The following TRIM2 variants were observed in gnomAD, a reference collection of about 807,000 sequenced individuals.
TRIM2 encodes tripartite motif-containing protein 2.
TRIM2 carries 20 observed loss-of-function variants against 75.2 expected under a neutral mutation model. That is an observed-to-expected ratio of 0.27 (90% CI 0.19 to 0.39). TRIM2 has a LOEUF of 0.39. TRIM2 is among the 10% of genes least tolerant of loss of function. TRIM2 has a pLI of 1.00. For missense variants in TRIM2, 660 were observed against 990.8 expected (o/e 0.67, Z 4.48); for synonymous variants, 373 against 388.3 (o/e 0.96, Z 0.46).
chr4:153,273,208 C>A (rs1379844499), intron 2 of TRIM2, among the ~76,000 whole-genome samples: 2 of 151,290 alleles, frequency 1.3e-5, no homozygotes, highest in Non-Finnish European at 2.9e-5. Context: ...GCTCTAGGAC[C>A]CCCATGTTCA....
intron 1 of TRIM2, 150 bp from the exon 2 acceptor site, chr4:153,270,185 C>T: frequency 1.2e-6 from 1 of 822,206 alleles, no homozygotes; most frequent in Non-Finnish European, 1.8e-6. Context: ...ACCTCGGCCT[C>T]CCAAAGTGCT....
Position 153,335,034 on chromosome 4 carries a change from G to T in TRIM2, c.*68G>T. ...AACTGGAATGGATTTCTCAATGCGG[G>T]ACCAGATTATGACTAGAGTTTTTAT... On this transcript the variant is annotated 3_prime_UTR_variant, in exon 12 of 12. Transcript: ENST00000338700. 1 of 1,434,454 alleles carries T rather than the reference G, an allele frequency of 7.0e-7. No homozygotes were observed. The highest frequency in any genetic ancestry group is 1.7e-5 in the South Asian group (1 of 60,292). The allele number at this position is 1,434,454 out of a possible 1,614,324, so 88.9% of individuals were successfully genotyped here. A position where few individuals can be genotyped will look rare whatever the true frequency, so the allele number is the denominator to read the frequency against.
Position 153,336,826 on chromosome 4 carries a change from T to C in TRIM2, c.*1860T>C. 1.0e-6 allele frequency: 1 copy of C among 985,532 alleles called. No homozygotes were observed. Among genetic ancestry groups the C allele is most frequent in the Non-Finnish European group, 1.2e-6 (1 of 829,618 alleles). The allele number at this position is 985,532 out of a possible 1,614,324, so 61.0% of individuals were successfully genotyped here. On this transcript the variant is annotated 3_prime_UTR_variant, in exon 12 of 12. Transcript: ENST00000338700. Reference sequence around the variant, plus strand: ...TTTTCCAGGAAGATTTACATTTAGGTTTAATATTTTTTTAGTTAGGTAGAG... The same window carrying C: ...TTTTCCAGGAAGATTTACATTTAGGCTTAATATTTTTTTAGTTAGGTAGAG...
upstream of TRIM2, among the ~76,000 whole-genome samples, chr4:153,202,757 G>A (rs371095995): frequency 2.3e-3 from 349 of 151,282 alleles, 1 homozygote; most frequent in African/African-American, 8.2e-3. Context: ...TTACTTTCTG[G>A]TTCTTGGTTA....
At position 153,337,331 on chromosome 4, in the gene TRIM2, C is replaced by G; in HGVS notation, c.*2365C>G. The G allele has an allele frequency of 1.0e-6, 1 of 985,766 alleles. No individual in the cohort carries two copies. The highest frequency in any genetic ancestry group is 1.2e-6 in the Non-Finnish European group (1 of 829,916). 61.1% of individuals were successfully genotyped at this position (985,766 alleles called of 1,614,324 possible). On this transcript the variant is annotated 3_prime_UTR_variant, in exon 12 of 12. Coordinates refer to ENST00000338700, the MANE Select transcript of TRIM2 (RefSeq NM_015271.5). ...CTTAGAAATTAACTTACAATCTAAC[C>G]AGCCATCATATCATATCCTATCAGG...
At chr4:153,274,286 G>T (rs1446383159) in intron 2 of TRIM2, among the ~76,000 whole-genome samples, 1 of 152,224 alleles carries the variant, frequency 6.6e-6, no homozygotes, top group Non-Finnish European at 1.5e-5. Context: ...GGAGAGGTTA[G>T]AAAGATATGT....
intron 1 of TRIM2, among the ~76,000 whole-genome samples, chr4:153,222,049 G>GGAGGGAGGAAGGAAGGAGAGAGGGAGC (rs1560836448): frequency 2.0e-5 from 3 of 147,954 alleles, no homozygotes; most frequent in Non-Finnish European, 3.0e-5. Flanking sequence ...AGCGAGGAAG[G>GGAGGGAGGAAGGAAGGAGAGAGGGAGC]GAGGGAGGAA....
chr4:153,232,131 A>T (rs754973351), intron 1 of TRIM2, among the ~76,000 whole-genome samples: 3 of 152,222 alleles, frequency 2.0e-5, no homozygotes, highest in Non-Finnish European at 4.4e-5. Context: ...GTATTTCCAA[A>T]TACAGTCACA....
intron 1 of TRIM2, among the ~76,000 whole-genome samples, chr4:153,190,031 C>T (rs1560797479): frequency 6.6e-6 from 1 of 152,164 alleles, no homozygotes; most frequent in Non-Finnish European, 1.5e-5. Context: ...ATGTTTATAA[C>T]AGATGGGCAT....
At chr4:153,317,825 T>C (rs1335963668) in intron 8 of TRIM2, among the ~76,000 whole-genome samples, 1 of 151,936 alleles carries the variant, frequency 6.6e-6, no homozygotes, top group Non-Finnish European at 1.5e-5. Context: ...CCAGGTGTGG[T>C]TGCACAGGCC....
At chr4:153,300,587 G>C (rs900451500) in intron 6 of TRIM2, among the ~76,000 whole-genome samples, 1 of 152,070 alleles carries the variant, frequency 6.6e-6, no homozygotes, top group African/African-American at 2.4e-5. Context: ...CTGTCGCCAG[G>C]CTGGTGTGCA....
intron 6 of TRIM2, among the ~76,000 whole-genome samples, chr4:153,305,827 C>T (rs1395705142): frequency 1.3e-5 from 2 of 152,208 alleles, no homozygotes; most frequent in African/African-American, 4.8e-5. Flanking sequence ...CAGTAACTTT[C>T]TGGGGGGACC....
At chr4:153,162,987 TG>T (rs1729895048) in intron 1 of TRIM2, among the ~76,000 whole-genome samples, 1 of 152,208 alleles carries the variant, frequency 6.6e-6, no homozygotes, top group African/African-American at 2.4e-5. Flanking sequence ...TAAGATTTTT[TG>T]GAAGTGGAAT....
chr4:153,236,291 T>G (rs1745011378), intron 1 of TRIM2, among the ~76,000 whole-genome samples: 1 of 152,096 alleles, frequency 6.6e-6, no homozygotes, highest in Non-Finnish European at 1.5e-5. Flanking sequence ...CCAACATGGC[T>G]TCTATTGCAT....
chr4:153,232,261 C>G (rs963981137), intron 1 of TRIM2, among the ~76,000 whole-genome samples: 3 of 152,112 alleles, frequency 2.0e-5, no homozygotes, highest in African/African-American at 7.2e-5. Context: ...GCCTGTAATC[C>G]CAGCACTTTG....
At chr4:153,192,129 C>A (rs1476696194) in intron 1 of TRIM2, among the ~76,000 whole-genome samples, 1 of 152,188 alleles carries the variant, frequency 6.6e-6, no homozygotes, top group Non-Finnish European at 1.5e-5. Flanking sequence ...ATTCCTCACC[C>A]CACACCCTTC....
chr4:153,164,134 ATTGTTTTGTT>A lies in TRIM2; in HGVS notation c.-49+10878_-49+10887del, dbSNP rs550731700. On this transcript the variant is annotated intron_variant, in intron 1 of 11. Coordinates refer to the TRIM2 transcript ENST00000437508. The stretch of plus-strand genomic sequence containing the variant: ...TTTACTTATATAAACACATGTACTT[ATTGTTTTGTT>A]TTGTTTTGTTTTGAGACAGGGTCTC... 1.3e-4 allele frequency among the ~76,000 whole-genome samples: 19 copies of A among 151,992 alleles called. No homozygotes were observed. The South Asian group carries it at 1.7e-3, about 13-fold the overall frequency.
Position 153,266,344 on chromosome 4 carries a change from GT to G in TRIM2, c.31-3974del, listed in dbSNP as rs768231926. ...GCCACCATGCCTGGCTAATTTTTGG[GT>G]TTTTTTTTTTTTTTTTGAGACGGAG... On this transcript the variant is annotated intron_variant, in intron 1 of 11. Transcript: ENST00000338700. Among the ~76,000 whole-genome samples the G allele has an allele frequency of 1.5e-3, 178 of 120,004 alleles. 1 individual carries two copies. Among genetic ancestry groups the G allele is most frequent in the East Asian group, 3.2e-3 (14 of 4,400 alleles). 78.7% of individuals were successfully genotyped at this position (120,004 alleles called of 152,430 possible). A position where few individuals can be genotyped will look rare whatever the true frequency, so the allele number is the denominator to read the frequency against.
intron 9 of TRIM2, among the ~76,000 whole-genome samples, chr4:153,323,095 T>C (rs765071891): frequency 1.3e-5 from 2 of 152,212 alleles, no homozygotes; most frequent in Non-Finnish European, 2.9e-5. Context: ...TTAAATAAGG[T>C]ATAAATTTTA....
Sources: allele counts gnomAD v4.1 joint callset (sites outside exome capture counted in the v4.1 genomes callset), GRCh38; gene constraint gnomAD v4.1.1; transcripts MANE v1.5; gene names NCBI Gene and HGNC (gene_info 2026-07-23, HGNC 2026-07-21).